The following LRCH1 variants were observed in gnomAD, a reference collection of about 807,000 sequenced individuals.
The protein encoded by LRCH1 is leucine-rich repeat and calponin homology domain-containing protein 1.
A neutral mutation model predicts 94.9 loss-of-function variants in LRCH1; 23 were observed. The observed-to-expected ratio is 0.24, with a 90% CI of 0.17 to 0.34. LRCH1 has a LOEUF of 0.34. LRCH1 is among the 10% of genes least tolerant of loss of function. LRCH1 has a pLI of 1.00. For synonymous variants in LRCH1, 364 were observed against 354.9 expected, an observed-to-expected ratio of 1.03 and a Z score of -0.29; for missense variants, 790 against 945.9, an observed-to-expected ratio of 0.84 and a Z score of 2.16.
chr13:46,667,393 C>A (rs1047453642), intron 2 of LRCH1, among the ~76,000 whole-genome samples: 1 of 151,962 alleles, frequency 6.6e-6, no homozygotes. Flanking sequence ...TGAAGAATGA[C>A]ATATATTCAG....
chr13:46,567,144 C>T (rs967007944), intron 1 of LRCH1, among the ~76,000 whole-genome samples: 5 of 152,092 alleles, frequency 3.3e-5, no homozygotes, highest in African/African-American at 7.2e-5. Context: ...GAGAAATGAA[C>T]GAATTTCATC....
In LRCH1 at chr13:46,706,084, C is replaced by G. The variant is rs552939895; in HGVS notation, c.1527+780C>G. Among the ~76,000 whole-genome samples the G allele has an allele frequency of 2.0e-5, 3 of 152,334 alleles. No individual in the cohort carries two copies. The East Asian group carries it at 5.8e-4, about 29-fold the overall frequency. On this transcript the variant is annotated intron_variant, in intron 13 of 19. Transcript: ENST00000389797. ...TAGTAAAGCGGTTTCACGCTCTTAA[C>G]TTTGTCTCTATGTTAAAGAAATAAG...
intron 5 of LRCH1, among the ~76,000 whole-genome samples, chr13:46,687,188 AC>A (rs1488698267): frequency 6.6e-6 from 1 of 151,640 alleles, no homozygotes; most frequent in African/African-American, 2.4e-5. Flanking sequence ...CTAATTCCTG[AC>A]CCCCAGGGAT....
intron 1 of LRCH1, among the ~76,000 whole-genome samples, chr13:46,568,403 T>A (rs961022968): frequency 1.1e-4 from 16 of 152,224 alleles, no homozygotes; most frequent in African/African-American, 3.9e-4. Flanking sequence ...GTGAAGTGAC[T>A]TACCTACCCA....
chr13:46,740,836 G>T (rs1286535167), intron 19 of LRCH1, among the ~76,000 whole-genome samples: 1 of 152,176 alleles, frequency 6.6e-6, no homozygotes, highest in African/African-American at 2.4e-5. Context: ...CTCTTAGTTT[G>T]CAGTTAGCTG....
chr13:46,705,174 T>C lies in LRCH1; in HGVS notation c.1490+17T>C. The C allele has an allele frequency of 6.3e-7, 1 of 1,597,316 alleles. No homozygotes were observed. The highest frequency in any genetic ancestry group is 2.2e-5 in the East Asian group (1 of 44,814). The stretch of plus-strand genomic sequence containing the variant: ...TGCACTGAAGTATGCTTGCCTTTTA[T>C]AACAAATTATGTTTTCTCTTTTCAT... On this transcript the variant is annotated intron_variant, in intron 12 of 19. Transcript: ENST00000389797.
intron 9 of LRCH1, among the ~76,000 whole-genome samples, chr13:46,697,564 A>C (rs1186932847): frequency 2.0e-5 from 3 of 152,218 alleles, no homozygotes; most frequent in Non-Finnish European, 2.9e-5. Context: ...AAAACACAAC[A>C]GTGTGAAAAC....
intron 13 of LRCH1, among the ~76,000 whole-genome samples, chr13:46,711,567 T>C (rs1593369665): frequency 6.6e-6 from 1 of 152,242 alleles, no homozygotes; most frequent in Non-Finnish European, 1.5e-5. Context: ...TTATCTTAGT[T>C]TGTATAATAC....
chr13:46,583,003 G>A (rs2050390789), intron 1 of LRCH1, among the ~76,000 whole-genome samples: 1 of 152,050 alleles, frequency 6.6e-6, no homozygotes, highest in African/African-American at 2.4e-5. Flanking sequence ...TCTGAAAAAT[G>A]TGTTCCCAAG....
intron 1 of LRCH1, among the ~76,000 whole-genome samples, chr13:46,606,687 T>G (rs2137993634): frequency 6.6e-6 from 1 of 152,328 alleles, no homozygotes; most frequent in African/African-American, 2.4e-5. Context: ...TTCTCCCGCC[T>G]CAGCCTCCTG....
chr13:46,666,955 A>G (rs1209732243), intron 2 of LRCH1, among the ~76,000 whole-genome samples: 1 of 152,056 alleles, frequency 6.6e-6, no homozygotes, highest in African/African-American at 2.4e-5. Flanking sequence ...GTCCCCAGAG[A>G]CCAGGAGAGA....
At chr13:46,694,191 G>C (rs1003034722) in intron 8 of LRCH1, among the ~76,000 whole-genome samples, 2 of 152,144 alleles carry the variant, frequency 1.3e-5, no homozygotes. Flanking sequence ...TCCCCCTCTC[G>C]TCTAGATGTG....
chr13:46,607,583 CCTT>C (rs1024108584), intron 1 of LRCH1, among the ~76,000 whole-genome samples: 26 of 151,884 alleles, frequency 1.7e-4, no homozygotes, highest in African/African-American at 5.1e-4. Context: ...TTGTTCTTCT[CCTT>C]CTCCTTTTTC....
intron 1 of LRCH1, among the ~76,000 whole-genome samples, chr13:46,619,999 C>T (rs144547801): frequency 1.3e-5 from 2 of 152,052 alleles, no homozygotes; most frequent in East Asian, 1.9e-4. Context: ...CCTTTTGGTT[C>T]GGCACTAATT....
chr13:46,720,336 G>A (rs1872540493), intron 16 of LRCH1, among the ~76,000 whole-genome samples: 1 of 152,208 alleles, frequency 6.6e-6, no homozygotes, highest in East Asian at 1.9e-4. Context: ...GCAGCGAGCC[G>A]AGATCGCACC....
At chr13:46,579,068 G>A (rs747428728) in intron 1 of LRCH1, among the ~76,000 whole-genome samples, 4 of 152,162 alleles carry the variant, frequency 2.6e-5, no homozygotes, top group Non-Finnish European at 5.9e-5. Context: ...CTCGCTGTGT[G>A]CAGGGAAAGG....
At chr13:46,734,148 T>C (rs1873254301) in intron 19 of LRCH1, 150 bp downstream of exon 19, 1 of 432,336 alleles carries the variant, frequency 2.3e-6, no homozygotes, top group Non-Finnish European at 4.2e-6. Context: ...TATATAAACT[T>C]TAACTTGCTC....
Position 46,741,898 on chromosome 13 carries a change from A to C in LRCH1, c.*50A>C. ...GTGCTCTGTCGCCCTCAACCTTTGC[A>C]GGGTCCTTCCTACCTTTGAGCCTTT... On this transcript the variant is annotated 3_prime_UTR_variant, in exon 20 of 20. Coordinates refer to ENST00000389797, the MANE Select transcript of LRCH1 (RefSeq NM_001164211.2). 6.2e-7 allele frequency: 1 copy of C among 1,609,640 alleles called. No individual in the cohort carries two copies. The highest frequency in any genetic ancestry group is 8.5e-7 in the Non-Finnish European group (1 of 1,177,710).
chr13:46,750,818 G>A (rs1332090918), exon 19 of LRCH1: 2 of 516,840 alleles, frequency 3.9e-6, no homozygotes, highest in Non-Finnish European at 6.9e-6. Flanking sequence ...ACCTTTCAGA[G>A]CTGACCTCCG....
Sources: allele counts gnomAD v4.1 joint callset (sites outside exome capture counted in the v4.1 genomes callset), GRCh38; gene constraint gnomAD v4.1.1; transcripts MANE v1.5; gene names NCBI Gene and HGNC (gene_info 2026-07-23, HGNC 2026-07-21).